The following RHOBTB2 variants were observed in gnomAD, a reference collection of about 807,000 sequenced individuals.
RHOBTB2 encodes rho-related BTB domain-containing protein 2.
In RHOBTB2, 39 loss-of-function variants were observed where a neutral mutation model predicts 66.5. The ratio of observed to expected loss-of-function variants is 0.59; its 90% confidence interval spans 0.45 to 0.77. RHOBTB2 has a LOEUF of 0.77. Ranked by LOEUF, RHOBTB2 falls within the 30% of genes least tolerant of loss-of-function variation. The pLI, the probability that RHOBTB2 is intolerant of heterozygous loss-of-function variation, is 0.00. For missense variants in RHOBTB2, 755 were observed against 999.1 expected (o/e 0.76, Z 3.29); for synonymous variants, 390 against 395.0 (o/e 0.99, Z 0.15).
the RHOBTB2 span, among the ~76,000 whole-genome samples, chr8:22,962,152 C>A: frequency 1.0e-5 from 1 of 99,392 alleles, no homozygotes; most frequent in Non-Finnish European, 1.9e-5. Flanking sequence ...CAGAGTAAGG[C>A]TGTCTCTAAA....
chr8:22,967,669 T>C, the RHOBTB2 span, among the ~76,000 whole-genome samples: 1 of 138,978 alleles, frequency 7.2e-6, no homozygotes, highest in Admixed American at 7.2e-5. Flanking sequence ...CTTAGAATAG[T>C]CAAATTTATA....
chr8:22,996,389 G>C (rs1270804125), upstream of RHOBTB2, among the ~76,000 whole-genome samples: 1 of 152,192 alleles, frequency 6.6e-6, no homozygotes, highest in Non-Finnish European at 1.5e-5. Flanking sequence ...CCCACCAGCA[G>C]AAGCAGATTT....
At chr8:22,979,963 T>C in the RHOBTB2 span, among the ~76,000 whole-genome samples, 3 of 152,004 alleles carry the variant, frequency 2.0e-5, no homozygotes, top group African/African-American at 7.2e-5. Flanking sequence ...TTTCACCACG[T>C]TGGCCAGGAT....
At chr8:23,014,824 TC>T (rs1320793348) in intron 8 of RHOBTB2, 46 bp downstream of exon 8, 21 of 1,490,844 alleles carry the variant, frequency 1.4e-5, no homozygotes, top group Non-Finnish European at 2.0e-5. Context: ...AGTTCTACAC[TC>T]TGCCTGCCCA....
upstream of RHOBTB2, among the ~76,000 whole-genome samples, chr8:22,996,921 C>T (rs1810586086): frequency 6.6e-6 from 1 of 152,088 alleles, no homozygotes; most frequent in African/African-American, 2.4e-5. Flanking sequence ...GCTGGGGTAC[C>T]AGGGGCTGGA....
At position 23,007,751 on chromosome 8, in the gene RHOBTB2, G is replaced by A. The variant is rs776228984; in HGVS notation, c.1501+5G>A. ...TGGCAAAAGGCACCTTCTCAGGTAT[G>A]GAACAGGCTTGGAAAGCAAGGGGGT... On this transcript the variant is annotated splice_donor_5th_base_variant and intron_variant, in intron 5 of 9. Transcript: ENST00000251822. 9.3e-6 allele frequency: 15 copies of A among 1,611,654 alleles called. No individual in the cohort carries two copies. In the South Asian group the frequency reaches 1.7e-4, roughly 18 times the overall value.
At chr8:22,997,516 C>T (rs180729678), upstream of RHOBTB2, among the ~76,000 whole-genome samples, 16 of 152,264 alleles carry the variant, frequency 1.1e-4, no homozygotes, top group East Asian at 3.1e-3. Context: ...ACCCTTCCAC[C>T]CCAATCAACA....
chr8:22,964,355 C>T, the RHOBTB2 span, among the ~76,000 whole-genome samples: 2 of 152,134 alleles, frequency 1.3e-5, no homozygotes, highest in Non-Finnish European at 2.9e-5. Context: ...AAAAACACAT[C>T]TGAATGGAGC....
chr8:22,988,435 T>C (rs938272275), intron 1 of RHOBTB2, among the ~76,000 whole-genome samples: 1 of 152,108 alleles, frequency 6.6e-6, no homozygotes, highest in African/African-American at 2.4e-5. Flanking sequence ...GTGTTGGGAT[T>C]ACAGGCGTGA....
At chr8:22,989,614 G>A (rs562212623) in intron 1 of RHOBTB2, among the ~76,000 whole-genome samples, 76 of 152,284 alleles carry the variant, frequency 5.0e-4, no homozygotes, top group African/African-American at 1.7e-3. Flanking sequence ...AGAACTTGGG[G>A]ATCATCTAAG....
At chr8:22,981,993 A>C in the RHOBTB2 span, among the ~76,000 whole-genome samples, 1 of 152,180 alleles carries the variant, frequency 6.6e-6, no homozygotes, top group Non-Finnish European at 1.5e-5. Flanking sequence ...TAAGGCCCTC[A>C]ATGTATAAAT....
chr8:22,962,019 G>A, the RHOBTB2 span, among the ~76,000 whole-genome samples: 143,015 of 151,924 alleles, frequency 0.94, 67,401 homozygotes, highest in African/African-American at 0.98. Context: ...GGAAAAGCCA[G>A]GTGCAGTTGC....
chr8:23,001,489 C>A (rs545029943), intron 1 of RHOBTB2, among the ~76,000 whole-genome samples: 1 of 152,134 alleles, frequency 6.6e-6, no homozygotes, highest in Non-Finnish European at 1.5e-5. Context: ...TAAGACAGGC[C>A]TGATTAGACT....
Position 23,004,381 on chromosome 8 carries a change from C to G in RHOBTB2, c.-10-44C>G. 2 of 1,557,914 alleles carry G rather than the reference C, an allele frequency of 1.3e-6. No homozygotes were observed. The highest frequency in any genetic ancestry group is 1.8e-6 in the Non-Finnish European group (2 of 1,129,972). On this transcript the variant is annotated intron_variant, in intron 1 of 9. Coordinates refer to ENST00000251822, the MANE Select transcript of RHOBTB2 (RefSeq NM_015178.3). This position sits in a 1 kb window ranked among gnomAD's most constrained non-coding sequence, Gnocchi z 6.4. ...GGTGCTGGCCCTGGCCCACGGCGAG[C>G]TGGCATGCCATGCCGTCCTGACCGC...
chr8:22,964,458 A>C, the RHOBTB2 span, among the ~76,000 whole-genome samples: 1 of 152,184 alleles, frequency 6.6e-6, no homozygotes, highest in African/African-American at 2.4e-5. Context: ...CTGCAAAAAA[A>C]TAAGACCATT....
At chr8:23,007,767 G>A (rs1811017324) in intron 5 of RHOBTB2, 21 bp downstream of exon 5, 2 of 1,607,036 alleles carry the variant, frequency 1.2e-6, no homozygotes, top group Non-Finnish European at 1.7e-6. Flanking sequence ...GGCTTGGAAA[G>A]CAAGGGGGTT....
upstream of RHOBTB2, among the ~76,000 whole-genome samples, chr8:22,982,713 T>C (rs1047093073): frequency 1.8e-4 from 28 of 152,208 alleles, no homozygotes; most frequent in African/African-American, 6.8e-4. Context: ...GAAAACCCCA[T>C]GGATCTTTCT....
chr8:22,956,807 T>C, the RHOBTB2 span, among the ~76,000 whole-genome samples: 1 of 152,176 alleles, frequency 6.6e-6, no homozygotes, highest in African/African-American at 2.4e-5. Flanking sequence ...ATTATAGGCA[T>C]GCACCACCAT....
chr8:22,996,006 C>A, upstream of RHOBTB2: 2 of 885,740 alleles, frequency 2.3e-6, no homozygotes, highest in Non-Finnish European at 3.7e-6. Context: ...GCCTTCACAG[C>A]CACAGGGAGA....
Sources: allele counts gnomAD v4.1 joint callset (sites outside exome capture counted in the v4.1 genomes callset), GRCh38; gene constraint gnomAD v4.1.1; non-coding constraint Gnocchi (gnomAD v3.1); transcripts MANE v1.5; gene names NCBI Gene and HGNC (gene_info 2026-07-23, HGNC 2026-07-21).